The following UPRT variants were observed in gnomAD, a reference collection of about 807,000 sequenced individuals.
UPRT encodes the protein uracil phosphoribosyltransferase homolog.
A neutral mutation model predicts 22.6 loss-of-function variants in UPRT; 5 were observed. The observed-to-expected ratio is 0.22, with a 90% CI of 0.12 to 0.47. UPRT has a LOEUF of 0.47. Among genes scored for constraint, UPRT ranks in the 20% least tolerant of loss-of-function variants. The pLI is 0.99. For missense variants in UPRT, 181 were observed against 239.9 expected (o/e 0.75, Z 1.62); for synonymous variants, 77 against 87.7 (o/e 0.88, Z 0.68).
chrX:75,199,723 G>A (rs1470771172), intron 4 of UPRT, among the ~76,000 whole-genome samples: 1 of 111,006 alleles, frequency 9.0e-6, no homozygotes, highest in Non-Finnish European at 1.9e-5. Context: ...GGCTCTTGGG[G>A]TCCGCAATTC....
chrX:75,185,552 G>T (rs1327852694), intron 4 of UPRT, among the ~76,000 whole-genome samples: 1 of 112,004 alleles, frequency 8.9e-6, no homozygotes, highest in East Asian at 2.8e-4. Flanking sequence ...AGTTAGGGAG[G>T]ATTCCCTGTT....
chrX:75,199,567 G>T (rs1202924185), intron 4 of UPRT, among the ~76,000 whole-genome samples: 4 of 110,490 alleles, frequency 3.6e-5, no homozygotes, highest in Non-Finnish European at 7.6e-5. Context: ...AGACTTGCTT[G>T]CTGCAGGGGA....
chrX:75,209,255 G>A (rs903641949), intron 4 of UPRT, among the ~76,000 whole-genome samples: 5 of 111,707 alleles, frequency 4.5e-5, no homozygotes, highest in African/African-American at 1.6e-4. Context: ...ATTACCCTGG[G>A]TTCCGAGGTG....
rs1450281212 is a variant in UPRT at position 75,246,500 on chromosome X, A to G, written c.-446-44524A>G. On this transcript the variant is annotated intron_variant, in intron 4 of 13. Coordinates refer to the UPRT transcript ENST00000652605. The stretch of plus-strand genomic sequence containing the variant: ...GTGCCACATTTTCTTAATCCAGTCT[A>G]TCATTGATGGACATTTCGGTTGGTT... Among the ~76,000 whole-genome samples, 10 of 110,561 alleles carry G rather than the reference A, an allele frequency of 9.0e-5. No homozygotes were observed. The Admixed American group carries it at 9.7e-4, about 11-fold the overall frequency.
Position 75,274,406 on chromosome X carries a change from T to A in UPRT, c.152T>A (p.Leu51His). ...GNRASRAKVI[L>H]LTGYAHSSLP... ...AGAGCCTCCAGGGCCAAGGTGATTC[T>A]CCTCACGGGGTACGCCCATTCTAGC... The change falls in exon 1 of 7, where the codon CTC (leucine) becomes CAC (histidine). Residue 51 changes from leucine (L) to histidine (H), a missense_variant. Transcript: ENST00000373383. The A allele has an allele frequency of 8.3e-7, 1 of 1,211,233 alleles. No individual in the cohort carries two copies. The highest frequency in any genetic ancestry group is 1.1e-6 in the Non-Finnish European group (1 of 895,338).
At chrX:75,183,617 G>A (rs779183064) in intron 4 of UPRT, among the ~76,000 whole-genome samples, 1 of 111,801 alleles carries the variant, frequency 8.9e-6, no homozygotes, top group South Asian at 3.8e-4. Context: ...CAAAATGATT[G>A]AACTACTTTA....
chrX:75,208,231 C>T (rs761345377), intron 4 of UPRT, among the ~76,000 whole-genome samples: 1 of 111,604 alleles, frequency 9.0e-6, no homozygotes, highest in East Asian at 2.8e-4. Flanking sequence ...ACCAAATATC[C>T]TCAGCTATGG....
chrX:75,225,323 CCACACACACACA>C lies in UPRT; in HGVS notation c.-447+57476_-447+57487del, dbSNP rs57493246. Among the ~76,000 whole-genome samples, 303 of 82,030 alleles carry C rather than the reference CCACACACACACA, an allele frequency of 3.7e-3. 2 individuals carry two copies. Among genetic ancestry groups the C allele is most frequent in the African/African-American group, 0.012 (276 of 22,531 alleles). The allele number at this position is 82,030 out of a possible 115,157, so 71.2% of individuals were successfully genotyped here. A position where few individuals can be genotyped will look rare whatever the true frequency, so the allele number is the denominator to read the frequency against. The stretch of plus-strand genomic sequence containing the variant: ...ACAAAAACAAAACCAAAACCAAAAA[CCACACACACACA>C]CACACACACACACACACACACACAC... On this transcript the variant is annotated intron_variant, in intron 4 of 13. Transcript: ENST00000652605.
intron 4 of UPRT, among the ~76,000 whole-genome samples, chrX:75,226,694 T>C (rs1257948850): frequency 9.0e-6 from 1 of 110,731 alleles, no homozygotes; most frequent in Admixed American, 9.7e-5. Context: ...CATTTAAAAT[T>C]AATGTACTCT....
intron 4 of UPRT, among the ~76,000 whole-genome samples, chrX:75,221,227 C>G (rs755605319): frequency 1.8e-5 from 2 of 108,767 alleles, no homozygotes; most frequent in African/African-American, 6.7e-5. Context: ...TTTCTTTTCT[C>G]TTGCAGCTTT....
chrX:75,187,981 G>T (rs185240901), intron 4 of UPRT, among the ~76,000 whole-genome samples: 1 of 111,558 alleles, frequency 9.0e-6, no homozygotes, highest in Non-Finnish European at 1.9e-5. Flanking sequence ...TCCTCCCCTG[G>T]CTCGGAGTAA....
intron 4 of UPRT, among the ~76,000 whole-genome samples, chrX:75,217,441 G>A (rs1413258630): frequency 9.0e-6 from 1 of 111,498 alleles, no homozygotes; most frequent in African/African-American, 3.3e-5. Flanking sequence ...CCATGAGCAT[G>A]GAATGTTCTT....
intron 4 of UPRT, among the ~76,000 whole-genome samples, chrX:75,243,153 C>T (rs1405628054): frequency 3.6e-5 from 4 of 111,197 alleles, no homozygotes; most frequent in African/African-American, 1.3e-4. Context: ...GTGAAGGTTT[C>T]CATGCTGCCT....
intron 4 of UPRT, among the ~76,000 whole-genome samples, chrX:75,235,401 A>C (rs2082458017): frequency 8.9e-6 from 1 of 112,016 alleles, no homozygotes; most frequent in Non-Finnish European, 1.9e-5. Flanking sequence ...TATTCCAATC[A>C]ATAGAAAAAG....
At position 75,220,710 on chromosome X, in the gene UPRT, A is replaced by G. The variant is rs1005821539; in HGVS notation, c.-447+52831A>G. On this transcript the variant is annotated intron_variant, in intron 4 of 13. Coordinates refer to the UPRT transcript ENST00000652605. ...CAATGAAAAAACTAATATAAACTCT[A>G]CATGTTAACTTCAACCCCTGCTTTT... Among the ~76,000 whole-genome samples, 4 of 111,841 alleles carry G rather than the reference A, an allele frequency of 3.6e-5. 1 individual carries two copies. Among genetic ancestry groups the G allele is most frequent in the Non-Finnish European group, 7.5e-5 (4 of 53,053 alleles).
intron 4 of UPRT, among the ~76,000 whole-genome samples, chrX:75,243,759 A>G (rs1221790589): frequency 8.9e-6 from 1 of 111,965 alleles, no homozygotes; most frequent in Non-Finnish European, 1.9e-5. Flanking sequence ...TACTTGCCTA[A>G]TGAGACACTG....
intron 4 of UPRT, among the ~76,000 whole-genome samples, chrX:75,196,087 G>A (rs2082331788): frequency 8.9e-6 from 1 of 112,336 alleles, no homozygotes; most frequent in African/African-American, 3.2e-5. Context: ...TATTAAGTCT[G>A]TGGATCAATC....
intron 4 of UPRT, among the ~76,000 whole-genome samples, chrX:75,177,475 G>A (rs887456961): frequency 1.8e-5 from 2 of 110,109 alleles, no homozygotes; most frequent in South Asian, 4.0e-4. Flanking sequence ...GGCCCTTACC[G>A]ACGCATTCTC....
intron 1 of UPRT, chrX:75,291,416 A>G (rs1569284379): frequency 3.1e-6 from 1 of 326,666 alleles, no homozygotes; most frequent in South Asian, 2.7e-5. Flanking sequence ...AGGAGAGATT[A>G]CGGTTATGAT....
Sources: gnomAD v4.1 joint callset for allele counts (sites outside exome capture counted in the v4.1 genomes callset) on GRCh38, gnomAD v4.1.1 for gene constraint, MANE v1.5 for transcripts, NCBI Gene and HGNC (gene_info 2026-07-23, HGNC 2026-07-21) for gene names.